Variants in FBXW8 observed in about 807,000 individuals in gnomAD.
FBXW8 encodes the protein F-box/WD repeat-containing protein 8.
In FBXW8, 57 loss-of-function variants were observed where a neutral mutation model predicts 65.3. The ratio of observed to expected loss-of-function variants is 0.87; its 90% CI spans 0.71 to 1.09. The LOEUF (loss-of-function observed/expected upper bound fraction) is 1.09, where lower values mean the gene tolerates loss of function less well. Ranked by LOEUF, FBXW8 falls within the 50% of genes least tolerant of loss-of-function variation. FBXW8 has a pLI of 0.00. For missense variants in FBXW8, 777 were observed against 814.8 expected (o/e 0.95, Z 0.57); for synonymous variants, 308 against 330.2 (o/e 0.93, Z 0.73).
At chr12:116,941,166 G>C (rs565283750) in intron 2 of FBXW8, among the ~76,000 whole-genome samples, 1 of 152,184 alleles carries the variant, frequency 6.6e-6, no homozygotes, top group Non-Finnish European at 1.5e-5. Flanking sequence ...TGATGGGGGA[G>C]GTCAGCTCTC....
At chr12:116,914,333 C>T (rs1214285049) in intron 1 of FBXW8, among the ~76,000 whole-genome samples, 2 of 151,568 alleles carry the variant, frequency 1.3e-5, no homozygotes, top group South Asian at 2.1e-4. Context: ...AATCCTAGCA[C>T]TTTGGGAGGC....
At chr12:116,914,862 C>T (rs1880276128) in intron 1 of FBXW8, among the ~76,000 whole-genome samples, 1 of 152,124 alleles carries the variant, frequency 6.6e-6, no homozygotes, top group South Asian at 2.1e-4. Flanking sequence ...GCAACAAGAG[C>T]AAAATTCCAT....
Position 116,949,686 on chromosome 12 carries a change from C to T in FBXW8, c.657C>T (p.His219=), listed in dbSNP as rs759548178. 5.6e-6 allele frequency: 9 copies of T among 1,614,050 alleles called. No individual in the cohort carries two copies. Among genetic ancestry groups the T allele is most frequent in the African/African-American group, 2.7e-5 (2 of 74,912 alleles). ...CAGTTTTGTGTGATGTGCATTCTCACGATGGTGTGGTCATTGCGGGGTAAG... is the reference window on the plus strand; with the variant it reads ...CAGTTTTGTGTGATGTGCATTCTCATGATGGTGTGGTCATTGCGGGGTAAG... ...PDTVLCDVHS[H]DGVVIAGYTS... The change falls in exon 4 of 11, where the codon CAC becomes CAT. Residue 219 remains histidine (H), a synonymous_variant. Transcript: ENST00000652555.
At chr12:116,973,872 G>T (rs1321597416) in intron 5 of FBXW8, among the ~76,000 whole-genome samples, 1 of 152,150 alleles carries the variant, frequency 6.6e-6, no homozygotes, top group Non-Finnish European at 1.5e-5. Flanking sequence ...AAAATAAAAA[G>T]ATAAAAAATA....
At chr12:116,928,182 AG>A in intron 2 of FBXW8, 55 bp downstream of exon 2, 2 of 1,059,642 alleles carry the variant, frequency 1.9e-6, no homozygotes, top group South Asian at 1.3e-5. Flanking sequence ...ATTAAGGTAT[AG>A]GACTCTCCGG....
intron 2 of FBXW8, among the ~76,000 whole-genome samples, chr12:116,944,439 G>A (rs1882798738): frequency 6.6e-6 from 1 of 152,126 alleles, no homozygotes; most frequent in African/African-American, 2.4e-5. Context: ...GAGTCTTGAA[G>A]TGGCCCTAAG....
rs1954308675 is a variant in FBXW8 at position 117,029,392 on chromosome 12, A to G, written c.*1220A>G. 1 of 152,104 alleles carries G rather than the reference A, an allele frequency of 6.6e-6. No homozygotes were observed. The highest frequency in any genetic ancestry group is 2.1e-4 in the South Asian group (1 of 4,802). The allele number at this position is 152,104 out of a possible 1,614,324, so 9.4% of individuals were successfully genotyped here. On this transcript the variant is annotated 3_prime_UTR_variant, in exon 11 of 11. Transcript: ENST00000652555. ...AATTTACTTGGATTTAAAGAGGTTA[A>G]TAAAAACAAACTATAAACTCTCTAG...
At chr12:117,021,779 A>G (rs1003971858) in intron 8 of FBXW8, among the ~76,000 whole-genome samples, 5 of 151,958 alleles carry the variant, frequency 3.3e-5, no homozygotes, top group African/African-American at 1.2e-4. Context: ...CCTTTTGTCT[A>G]ATTGTGTCTG....
At chr12:116,956,527 A>G (rs888067192) in intron 4 of FBXW8, among the ~76,000 whole-genome samples, 5 of 152,190 alleles carry the variant, frequency 3.3e-5, no homozygotes, top group Non-Finnish European at 7.3e-5. Flanking sequence ...GAGGGTTTGC[A>G]GTTCTTTGTA....
intron 8 of FBXW8, among the ~76,000 whole-genome samples, chr12:117,014,476 G>C (rs1953900190): frequency 6.6e-6 from 1 of 152,154 alleles, no homozygotes; most frequent in Admixed American, 6.5e-5. Context: ...TTTCCCGTTT[G>C]GCTTTTGGTT....
chr12:117,012,332 A>G (rs1326145431), intron 8 of FBXW8, among the ~76,000 whole-genome samples: 1 of 152,048 alleles, frequency 6.6e-6, no homozygotes, highest in Non-Finnish European at 1.5e-5. Context: ...AAAAGAACAG[A>G]CTAGTGACTT....
At chr12:116,924,739 G>A (rs555379466) in intron 1 of FBXW8, among the ~76,000 whole-genome samples, 9 of 152,328 alleles carry the variant, frequency 5.9e-5, no homozygotes, top group African/African-American at 2.2e-4. Flanking sequence ...TGTCCAGGAT[G>A]TGGCTTCATA....
chr12:116,915,614 C>T (rs1880342375), intron 1 of FBXW8, among the ~76,000 whole-genome samples: 1 of 148,102 alleles, frequency 6.8e-6, no homozygotes, highest in Admixed American at 6.8e-5. Context: ...TTCTCTTCCA[C>T]CCAAGGGTAA....
chr12:117,021,581 A>ATAGAG (rs146438472), intron 8 of FBXW8, among the ~76,000 whole-genome samples: 1 of 151,478 alleles, frequency 6.6e-6, no homozygotes, highest in Non-Finnish European at 1.5e-5. Flanking sequence ...GAAAATTATT[A>ATAGAG]TAGAGTATTT....
In FBXW8 at chr12:117,010,399, A is replaced by T; in HGVS notation, c.1316A>T (p.Asn439Ile). The stretch of plus-strand genomic sequence containing the variant: ...GTTCTCCGTGACTTCACGTGTGTCA[A>T]CCTCAGCGACAGCCCTCCCAACCTC... ...GNVLRDFTCVNLSDSPPNLMV... is the reference protein window; with the variant it reads ...GNVLRDFTCVILSDSPPNLMV... Residue 439 changes from asparagine to isoleucine, a missense_variant, in exon 8 of 11, where the codon AAC (asparagine) becomes ATC (isoleucine). Asn to Ile is a moderately radical substitution (Grantham distance 149). Coordinates refer to ENST00000652555, the MANE Select transcript of FBXW8 (RefSeq NM_153348.3). 6.2e-7 allele frequency: 1 copy of T among 1,614,172 alleles called. No individual in the cohort carries two copies. The highest frequency in any genetic ancestry group is 1.1e-5 in the South Asian group (1 of 91,080).
At chr12:116,975,558 C>T (rs996282345) in intron 5 of FBXW8, among the ~76,000 whole-genome samples, 3 of 152,188 alleles carry the variant, frequency 2.0e-5, no homozygotes, top group African/African-American at 7.2e-5. Context: ...AGTAACAGGA[C>T]ATTTGCATGG....
intron 5 of FBXW8, among the ~76,000 whole-genome samples, chr12:116,969,492 C>T (rs1346160809): frequency 6.6e-6 from 1 of 152,180 alleles, no homozygotes; most frequent in Non-Finnish European, 1.5e-5. Flanking sequence ...CAAATAAACC[C>T]ACATTTTTAT....
At chr12:116,959,881 G>T (rs1048354893) in intron 4 of FBXW8, among the ~76,000 whole-genome samples, 1 of 152,162 alleles carries the variant, frequency 6.6e-6, no homozygotes, top group African/African-American at 2.4e-5. Flanking sequence ...GCTTCACTGG[G>T]CTGGGGCATA....
intron 5 of FBXW8, among the ~76,000 whole-genome samples, chr12:116,969,486 T>G (rs1884525762): frequency 6.6e-6 from 1 of 152,228 alleles, no homozygotes; most frequent in Non-Finnish European, 1.5e-5. Context: ...CAGATTCAAA[T>G]AAACCCACAT....
Sources: gnomAD v4.1 joint callset for allele counts (sites outside exome capture counted in the v4.1 genomes callset) on GRCh38, gnomAD v4.1.1 for gene constraint, MANE v1.5 for transcripts, NCBI Gene and HGNC (gene_info 2026-07-23, HGNC 2026-07-21) for gene names.